Variants in PLXNC1 observed in about 807,000 individuals in gnomAD.
The protein encoded by PLXNC1 is plexin-C1.
In PLXNC1, 75 loss-of-function variants were observed where a neutral mutation model predicts 178.2. The observed-to-expected ratio is 0.42, with a 90% CI of 0.35 to 0.51. The LOEUF (loss-of-function observed/expected upper bound fraction) is 0.51. Ranked by LOEUF, PLXNC1 falls within the 20% of genes least tolerant of loss-of-function variation. PLXNC1 has a pLI of 0.02. For synonymous variants in PLXNC1, 790 were observed against 779.9 expected (o/e 1.01, Z -0.22); for missense variants, 1,503 against 1,984.4 (o/e 0.76, Z 4.61).
chr12:94,220,940 A>G (rs542653352), intron 6 of PLXNC1, among the ~76,000 whole-genome samples: 1 of 152,306 alleles, frequency 6.6e-6, no homozygotes, highest in South Asian at 2.1e-4. Context: ...GCCAAGGCAC[A>G]TGGGGTAGGG....
chr12:94,209,227 C>T (rs1408250814), intron 4 of PLXNC1, among the ~76,000 whole-genome samples: 1 of 152,142 alleles, frequency 6.6e-6, no homozygotes, highest in African/African-American at 2.4e-5. Context: ...CTTCCTTGAG[C>T]TGTTCTTTGC....
intron 6 of PLXNC1, among the ~76,000 whole-genome samples, chr12:94,220,987 C>G (rs890912475): frequency 6.6e-6 from 1 of 152,160 alleles, no homozygotes; most frequent in African/African-American, 2.4e-5. Context: ...AGATAGATAC[C>G]AAAGGAGGCA....
At chr12:94,158,387 T>A (rs1398293981) in intron 1 of PLXNC1, among the ~76,000 whole-genome samples, 1 of 152,212 alleles carries the variant, frequency 6.6e-6, no homozygotes, top group African/African-American at 2.4e-5. Context: ...AAGGGCTTAA[T>A]GAGACGGGCA....
At chr12:94,212,056 C>A (rs1048999855) in intron 5 of PLXNC1, among the ~76,000 whole-genome samples, 1 of 151,902 alleles carries the variant, frequency 6.6e-6, no homozygotes, top group African/African-American at 2.4e-5. Flanking sequence ...GGGCGGATCA[C>A]GAGGTCAGGA....
At chr12:94,183,514 T>C (rs577087773) in intron 3 of PLXNC1, among the ~76,000 whole-genome samples, 2 of 152,366 alleles carry the variant, frequency 1.3e-5, no homozygotes, top group Admixed American at 6.5e-5. Context: ...CAAGGGCGTC[T>C]CAAAACTGCC....
intron 6 of PLXNC1, 110 bp from the exon 7 acceptor site, chr12:94,224,118 C>A: frequency 1.3e-6 from 1 of 742,914 alleles, no homozygotes; most frequent in East Asian, 2.5e-5. Context: ...TGGCACGCTC[C>A]TGCCCACTAT....
Position 94,304,211 on chromosome 12 carries a change from CT to C in PLXNC1, c.4602+161del, listed in dbSNP as rs1333216208. The C allele has an allele frequency of 9.1e-6, 5 of 552,022 alleles. No homozygotes were observed. In the East Asian group the frequency reaches 1.5e-4, roughly 16 times the overall value. The allele number at this position is 552,022 out of a possible 1,614,324, so 34.2% of individuals were successfully genotyped here. ...GGGGATCCTGGCACTGAGCCAGACC[CT>C]GTACATGGCTGCCCCCCTTACAGTT... On this transcript the variant is annotated intron_variant, in intron 30 of 30. Coordinates refer to ENST00000258526, the MANE Select transcript of PLXNC1 (RefSeq NM_005761.3).
At chr12:94,273,119 T>C (rs1461284584) in intron 21 of PLXNC1, among the ~76,000 whole-genome samples, 4 of 152,232 alleles carry the variant, frequency 2.6e-5, no homozygotes, top group Admixed American at 1.3e-4. Context: ...ACCTACTTCA[T>C]AGAGCAGTTG....
Position 94,297,045 on chromosome 12 carries a change from A to C in PLXNC1, c.3935-144A>C, listed in dbSNP as rs115164899. ...AGATCTTAAGATGCAGCAGGGGGAA[A>C]AATGTAGCTATGGAGAGCTCAAGTC... On this transcript the variant is annotated intron_variant, in intron 24 of 30. Transcript: ENST00000258526. 5,648 of 726,690 alleles carry C rather than the reference A, an allele frequency of 7.8e-3. 248 individuals are homozygous for C. In the African/African-American group the frequency reaches 0.091, roughly 12 times the overall value. 45.0% of individuals were successfully genotyped at this position (726,690 alleles called of 1,614,324 possible). A position where few individuals can be genotyped will look rare whatever the true frequency, so the allele number is the denominator to read the frequency against.
chr12:94,175,383 G>A (rs1378061795), intron 2 of PLXNC1, among the ~76,000 whole-genome samples: 1 of 151,832 alleles, frequency 6.6e-6, no homozygotes, highest in African/African-American at 2.4e-5. Context: ...CATGGTAATC[G>A]TAAAGAAAAA....
Position 94,149,205 on chromosome 12 carries a change from C to G in PLXNC1, c.234C>G (p.Arg78=). The G allele has an allele frequency of 2.5e-6, 4 of 1,587,072 alleles. No homozygotes were observed. Among genetic ancestry groups the G allele is most frequent in the Non-Finnish European group, 3.4e-6 (4 of 1,171,172 alleles). ...LDYSLEHSLS[R]LYRDQAGNCT... is the part of the protein sequence containing the mutation. ...ACAGCCTGGAGCACAGCCTCTCGCG[C>G]CTGTACCGGGACCAAGCGGGCAACT... The change falls in exon 1 of 31, where the codon CGC becomes CGG. Residue 78 remains arginine (R), a synonymous_variant. Coordinates refer to ENST00000258526, the MANE Select transcript of PLXNC1 (RefSeq NM_005761.3).
intron 9 of PLXNC1, among the ~76,000 whole-genome samples, chr12:94,229,558 T>A (rs539709631): frequency 1.3e-5 from 2 of 152,376 alleles, no homozygotes; most frequent in East Asian, 3.9e-4. Context: ...TGATTCATTC[T>A]CAGTTCATTT....
At chr12:94,154,853 G>A (rs1421245719) in intron 1 of PLXNC1, among the ~76,000 whole-genome samples, 1 of 152,210 alleles carries the variant, frequency 6.6e-6, no homozygotes, top group Non-Finnish European at 1.5e-5. Flanking sequence ...GGTGTTCTCT[G>A]TTGAACCCCC....
At chr12:94,288,174 C>T (rs1966889910) in intron 23 of PLXNC1, among the ~76,000 whole-genome samples, 1 of 152,212 alleles carries the variant, frequency 6.6e-6, no homozygotes, top group Non-Finnish European at 1.5e-5. Context: ...ATGTCAAATT[C>T]ATAAAGGGTA....
chr12:94,252,894 G>A (rs1964736550), intron 15 of PLXNC1, among the ~76,000 whole-genome samples: 1 of 152,096 alleles, frequency 6.6e-6, no homozygotes, highest in Non-Finnish European at 1.5e-5. Context: ...ATCCTTCTTT[G>A]AAAAAGGAAC....
At chr12:94,286,384 C>T (rs76973682) in intron 23 of PLXNC1, among the ~76,000 whole-genome samples, 7,778 of 152,142 alleles carry the variant, frequency 0.051, 267 homozygotes, top group Non-Finnish European at 0.076. Flanking sequence ...AGAAAATCAT[C>T]CCCCACCACC....
At chr12:94,289,468 A>C (rs1049388624) in intron 23 of PLXNC1, among the ~76,000 whole-genome samples, 2 of 152,232 alleles carry the variant, frequency 1.3e-5, no homozygotes, top group African/African-American at 4.8e-5. Context: ...ATCCTGCTGC[A>C]GATCCATCTA....
At chr12:94,195,973 C>T (rs560180688) in intron 4 of PLXNC1, among the ~76,000 whole-genome samples, 3 of 152,264 alleles carry the variant, frequency 2.0e-5, no homozygotes, top group Admixed American at 6.5e-5. Context: ...TTATCTTGCT[C>T]TCCTGTCTTG....
At chr12:94,182,223 T>C (rs78094930) in intron 3 of PLXNC1, among the ~76,000 whole-genome samples, 236 of 152,246 alleles carry the variant, frequency 1.6e-3, no homozygotes, top group African/African-American at 5.1e-3. Flanking sequence ...ATTGTGTACA[T>C]ATACATACAC....
Sources: allele counts gnomAD v4.1 joint callset (sites outside exome capture counted in the v4.1 genomes callset), GRCh38; gene constraint gnomAD v4.1.1; transcripts MANE v1.5; gene names NCBI Gene and HGNC (gene_info 2026-07-23, HGNC 2026-07-21).